The following KCNN3 variants were observed in gnomAD, a reference collection of about 807,000 sequenced individuals.
The protein encoded by KCNN3 is small conductance calcium-activated potassium channel protein 3.
A neutral mutation model predicts 62.9 loss-of-function variants in KCNN3; 16 were observed. The observed-to-expected ratio is 0.25, with a 90% CI of 0.17 to 0.39. The LOEUF (loss-of-function observed/expected upper bound fraction) is 0.39, where lower values mean the gene tolerates loss of function less well. KCNN3 is among the 10% of genes least tolerant of loss of function. KCNN3 has a pLI of 1.00. For missense variants in KCNN3, 599 were observed against 949.4 expected (o/e 0.63, Z 4.85); for synonymous variants, 370 against 389.2 (o/e 0.95, Z 0.58).
intron 1 of KCNN3, among the ~76,000 whole-genome samples, chr1:154,860,887 A>G (rs1321707962): frequency 6.7e-6 from 1 of 149,742 alleles, no homozygotes; most frequent in Non-Finnish European, 1.5e-5. Flanking sequence ...CCCTCTTAAC[A>G]CTGAGGAAAT....
chr1:154,850,149 C>T (rs576300090), intron 1 of KCNN3, among the ~76,000 whole-genome samples: 1 of 152,340 alleles, frequency 6.6e-6, no homozygotes, highest in East Asian at 1.9e-4. Flanking sequence ...AGGGGCAGAG[C>T]CAGGCGGCCC....
Position 154,719,207 on chromosome 1 carries a change from T to C in KCNN3, c.1702-4204A>G, listed in dbSNP as rs1388826754. ...TTAGCAGAGCCCCCCAGAGAAGAAA[T>C]CACTAGCATGCCCATTATGCTGCCA... On this transcript the variant is annotated intron_variant, in intron 5 of 7. Coordinates refer to ENST00000271915, the MANE Select transcript of KCNN3 (RefSeq NM_002249.6). Among the ~76,000 whole-genome samples, 5 of 152,028 alleles carry C rather than the reference T, an allele frequency of 3.3e-5. No homozygotes were observed. In the East Asian group the frequency reaches 7.7e-4, roughly 23 times the overall value.
intron 2 of KCNN3, among the ~76,000 whole-genome samples, chr1:154,775,453 C>T (rs867199381): frequency 6.6e-6 from 1 of 152,198 alleles, no homozygotes; most frequent in Non-Finnish European, 1.5e-5. Context: ...CAGAGCCATA[C>T]TGGAGAGCAG....
chr1:154,797,890 C>T (rs536017587), intron 2 of KCNN3, among the ~76,000 whole-genome samples: 2 of 152,264 alleles, frequency 1.3e-5, no homozygotes, highest in South Asian at 2.1e-4. Flanking sequence ...CTCTAGGCCT[C>T]AGTTTCCTCA....
At chr1:154,857,379 TG>T (rs1283953061) in intron 1 of KCNN3, among the ~76,000 whole-genome samples, 1 of 152,148 alleles carries the variant, frequency 6.6e-6, no homozygotes, top group Non-Finnish European at 1.5e-5. Context: ...GCACGGCACC[TG>T]GAGCTTCAGC....
chr1:154,790,861 G>A (rs921049320), intron 2 of KCNN3, among the ~76,000 whole-genome samples: 1 of 152,184 alleles, frequency 6.6e-6, no homozygotes, highest in Non-Finnish European at 1.5e-5. Flanking sequence ...AGGTTTGCAG[G>A]AGACAAGAGT....
At chr1:154,733,293 T>C in intron 3 of KCNN3, 149 bp from the exon 4 acceptor site, 1 of 847,198 alleles carries the variant, frequency 1.2e-6, no homozygotes, top group South Asian at 1.4e-5. Flanking sequence ...TTTAGGCTAC[T>C]GAAGGGGCTG....
intron 1 of KCNN3, among the ~76,000 whole-genome samples, chr1:154,856,620 T>C (rs1180243301): frequency 6.6e-6 from 1 of 152,130 alleles, no homozygotes; most frequent in East Asian, 1.9e-4. Context: ...CACAGAGCGC[T>C]CCATGTGTGC....
intron 1 of KCNN3, among the ~76,000 whole-genome samples, chr1:154,854,476 G>A (rs536838496): frequency 1.3e-5 from 2 of 152,272 alleles, no homozygotes; most frequent in African/African-American, 4.8e-5. Context: ...GTTGTATCTT[G>A]GAGGGAAGAG....
intron 2 of KCNN3, among the ~76,000 whole-genome samples, chr1:154,813,569 C>A (rs1650526940): frequency 6.6e-6 from 1 of 152,132 alleles, no homozygotes; most frequent in Non-Finnish European, 1.5e-5. Flanking sequence ...CCCCTCCCCA[C>A]CCCGTCCTGA....
chr1:154,780,194 C>CTTTT (rs71077969), intron 2 of KCNN3, among the ~76,000 whole-genome samples: 5 of 102,062 alleles, frequency 4.9e-5, no homozygotes, highest in African/African-American at 7.9e-5. Context: ...TTCTTTTTTT[C>CTTTT]TTTTTTTTTT....
At chr1:154,784,593 C>T (rs1394084750) in intron 2 of KCNN3, among the ~76,000 whole-genome samples, 1 of 152,210 alleles carries the variant, frequency 6.6e-6, no homozygotes, top group Non-Finnish European at 1.5e-5. Flanking sequence ...GCCCTGTGCC[C>T]CCTGCTTGTC....
intron 5 of KCNN3, among the ~76,000 whole-genome samples, chr1:154,717,474 T>G (rs1398747420): frequency 6.6e-6 from 1 of 152,214 alleles, no homozygotes; most frequent in Non-Finnish European, 1.5e-5. Flanking sequence ...AGCAGAAGGT[T>G]TTCATGTGGA....
chr1:154,822,016 T>G (rs1571310054), intron 2 of KCNN3, 73 bp downstream of exon 2: 3 of 1,097,502 alleles, frequency 2.7e-6, no homozygotes, highest in Non-Finnish European at 4.2e-6. Context: ...GTTTTGGGGG[T>G]GGGGATGGGC....
chr1:154,708,737 G>A (rs145366433), intron 7 of KCNN3, among the ~76,000 whole-genome samples: 9 of 152,074 alleles, frequency 5.9e-5, no homozygotes, highest in East Asian at 3.9e-4. Context: ...TCTGCCAGGC[G>A]CCTGGCCTCT....
intron 1 of KCNN3, among the ~76,000 whole-genome samples, chr1:154,839,433 A>G (rs1306809012): frequency 6.6e-6 from 1 of 152,226 alleles, no homozygotes; most frequent in African/African-American, 2.4e-5. Flanking sequence ...TACAAACAAG[A>G]TACGACACCT....
chr1:154,700,159 A>G lies in KCNN3; in HGVS notation c.*7817T>C, dbSNP rs964201897. On this transcript the variant is annotated 3_prime_UTR_variant, in exon 8 of 8. Coordinates refer to ENST00000271915, the MANE Select transcript of KCNN3 (RefSeq NM_002249.6). ...CTAATTATTAACGAGGTTAGTTATC[A>G]CTACGGTGAGGTGAGGCCAGTGCTT... 9 of 152,246 alleles carry G rather than the reference A, an allele frequency of 5.9e-5. No homozygotes were observed. The highest frequency in any genetic ancestry group is 1.4e-4 in the African/African-American group (6 of 41,472). 9.4% of individuals were successfully genotyped at this position (152,246 alleles called of 1,614,324 possible). A position where few individuals can be genotyped will look rare whatever the true frequency, so the allele number is the denominator to read the frequency against.
At chr1:154,712,776 C>T (rs951411430) in intron 7 of KCNN3, among the ~76,000 whole-genome samples, 8 of 152,290 alleles carry the variant, frequency 5.3e-5, no homozygotes, top group South Asian at 4.1e-4. Context: ...GTGTGGCCTT[C>T]GGCTCCCTCA....
At chr1:154,833,630 ACAC>A (rs1468397518) in intron 1 of KCNN3, among the ~76,000 whole-genome samples, 1 of 152,234 alleles carries the variant, frequency 6.6e-6, no homozygotes, top group Non-Finnish European at 1.5e-5. Context: ...CCAAGGCCAC[ACAC>A]CAGTAACAGA....
Sources: gnomAD v4.1 joint callset for allele counts (sites outside exome capture counted in the v4.1 genomes callset) on GRCh38, gnomAD v4.1.1 for gene constraint, MANE v1.5 for transcripts, NCBI Gene and HGNC (gene_info 2026-07-23, HGNC 2026-07-21) for gene names.